The following EYS variants were observed in gnomAD, a reference collection of about 807,000 sequenced individuals.
EYS encodes the protein protein eyes shut homolog.
EYS carries 250 observed loss-of-function variants against 282.1 expected under a neutral mutation model. That is an observed-to-expected ratio of 0.89 (90% confidence interval 0.80 to 0.98). The LOEUF (loss-of-function observed/expected upper bound fraction) is 0.98. Ranked by LOEUF, EYS falls within the 50% of genes least tolerant of loss-of-function variation. The pLI is 0.00. For missense variants in EYS, 4,016 were observed against 3,709.0 expected (o/e 1.08, Z -2.15); for synonymous variants, 1,355 against 1,282.9 (o/e 1.06, Z -1.20).
chr6:63,835,664 A>T (rs1771786103), intron 36 of EYS, among the ~76,000 whole-genome samples: 1 of 152,042 alleles, frequency 6.6e-6, no homozygotes, highest in Non-Finnish European at 1.5e-5. Flanking sequence ...TCAAAATCTC[A>T]CAAATAACCA....
intron 14 of EYS, among the ~76,000 whole-genome samples, chr6:64,984,847 G>A (rs998333648): frequency 3.3e-5 from 5 of 151,354 alleles, no homozygotes; most frequent in Non-Finnish European, 7.4e-5. Flanking sequence ...TCTTGTAACA[G>A]AAATAAAAGT....
intron 36 of EYS, among the ~76,000 whole-genome samples, chr6:63,835,348 T>TACAC (rs545681031): frequency 6.0e-5 from 9 of 150,256 alleles, no homozygotes; most frequent in East Asian, 5.8e-4. Context: ...TATATATATA[T>TACAC]ACACACACAC....
At chr6:65,311,408 T>C (rs1769155092) in intron 11 of EYS, among the ~76,000 whole-genome samples, 2 of 152,188 alleles carry the variant, frequency 1.3e-5, no homozygotes, top group South Asian at 2.1e-4. Flanking sequence ...CGTTGCACTT[T>C]AAGCAATTAC....
chr6:64,780,898 TG>T (rs1773838001), intron 22 of EYS, among the ~76,000 whole-genome samples: 1 of 152,248 alleles, frequency 6.6e-6, no homozygotes, highest in Admixed American at 6.5e-5. Flanking sequence ...AAGGAATGAA[TG>T]TGTATATATG....
chr6:65,611,396 C>CT (rs1765994451), intron 2 of EYS, among the ~76,000 whole-genome samples: 1 of 151,924 alleles, frequency 6.6e-6, no homozygotes, highest in East Asian at 1.9e-4. Flanking sequence ...AGTATACCTT[C>CT]AGTATGAATA....
intron 2 of EYS, among the ~76,000 whole-genome samples, chr6:65,530,605 G>T (rs939156358): frequency 6.6e-6 from 1 of 151,888 alleles, no homozygotes; most frequent in Non-Finnish European, 1.5e-5. Context: ...AATTAAACTG[G>T]ATTCATACTC....
At chr6:65,160,094 T>C (rs1764818105) in intron 12 of EYS, among the ~76,000 whole-genome samples, 1 of 150,990 alleles carries the variant, frequency 6.6e-6, no homozygotes, top group African/African-American at 2.4e-5. Context: ...TATATGTTTT[T>C]AAAAATCAGT....
chr6:65,309,655 C>T (rs1769102970), intron 11 of EYS, among the ~76,000 whole-genome samples: 1 of 152,124 alleles, frequency 6.6e-6, no homozygotes, highest in South Asian at 2.1e-4. Flanking sequence ...AATCTTCGCT[C>T]TGGTACTTAA....
At position 65,478,540 on chromosome 6, in the gene EYS, T is replaced by C. The variant is rs370333068; in HGVS notation, c.862+12054A>G. 4.6e-5 allele frequency among the ~76,000 whole-genome samples: 7 copies of C among 152,260 alleles called. No homozygotes were observed. The South Asian group carries it at 1.2e-3, about 27-fold the overall frequency. On this transcript the variant is annotated intron_variant, in intron 5 of 42. Coordinates refer to ENST00000503581, the MANE Select transcript of EYS (RefSeq NM_001142800.2). The stretch of plus-strand genomic sequence containing the variant: ...GATGCTACTCAATTCTCTTTCCCCT[T>C]AAATTCACCCTCTTGACAGTGCTCC...
chr6:64,732,872 GTA>G (rs1772020592), intron 22 of EYS, among the ~76,000 whole-genome samples: 1 of 152,204 alleles, frequency 6.6e-6, no homozygotes, highest in African/African-American at 2.4e-5. Flanking sequence ...AAATTCTGAT[GTA>G]TAACGTGAAA....
chr6:64,873,593 AGGAATAT>A (rs1204588599), intron 19 of EYS, among the ~76,000 whole-genome samples: 2 of 152,046 alleles, frequency 1.3e-5, no homozygotes, highest in African/African-American at 4.8e-5. Context: ...ATTAGAATAG[AGGAATAT>A]GTTGTAGTGA....
At chr6:65,033,054 A>T (rs1323511040) in intron 13 of EYS, among the ~76,000 whole-genome samples, 2 of 152,172 alleles carry the variant, frequency 1.3e-5, no homozygotes, top group Non-Finnish European at 2.9e-5. Context: ...TTCATGCCCT[A>T]GGGATCTGTG....
rs1222969006 is a variant in EYS at position 63,721,608 on chromosome 6, G to A, written c.8423C>T (p.Ala2808Val). The change falls in exon 43 of 43, where the codon GCC becomes GTC. Residue 2808 changes from alanine to valine, a missense_variant. Ala to Val is a moderately conservative substitution (Grantham distance 64). Transcript: ENST00000503581. ...GTCCAGAGAACTCATTTTAGTGGAGGCCTTTTCTGTTACATTTATCCCATC... is the reference window on the plus strand; with the variant it reads ...GTCCAGAGAACTCATTTTAGTGGAGACCTTTTCTGTTACATTTATCCCATC... ...DLDGINVTEK[A>V]STKMSSLDTN... The A allele has an allele frequency of 3.2e-6, 5 of 1,551,078 alleles. No homozygotes were observed. The East Asian group carries it at 9.8e-5, about 30-fold the overall frequency.
intron 12 of EYS, among the ~76,000 whole-genome samples, chr6:65,132,869 G>C (rs1775918991): frequency 6.6e-6 from 1 of 151,786 alleles, no homozygotes; most frequent in Non-Finnish European, 1.5e-5. Flanking sequence ...TGAAGATTTA[G>C]GATAAAAAAA....
chr6:65,181,640 A>G (rs1050639172), intron 12 of EYS, among the ~76,000 whole-genome samples: 41 of 152,220 alleles, frequency 2.7e-4, no homozygotes, highest in African/African-American at 7.7e-4. Context: ...CGTTGTGGAA[A>G]TCAGTGTGGC....
At chr6:64,964,930 G>A (rs544075667) in intron 14 of EYS, among the ~76,000 whole-genome samples, 1 of 152,124 alleles carries the variant, frequency 6.6e-6, no homozygotes, top group South Asian at 2.1e-4. Flanking sequence ...CCACTCAGGA[G>A]GCTAAGGCAC....
chr6:65,596,741 T>G (rs1467176675), intron 2 of EYS, among the ~76,000 whole-genome samples: 1 of 152,096 alleles, frequency 6.6e-6, no homozygotes, highest in Non-Finnish European at 1.5e-5. Flanking sequence ...CATCATTTTC[T>G]TACTTTTTAT....
At chr6:64,744,484 A>C (rs1772486761) in intron 22 of EYS, among the ~76,000 whole-genome samples, 2 of 152,172 alleles carry the variant, frequency 1.3e-5, no homozygotes, top group South Asian at 4.1e-4. Flanking sequence ...GTTCCTAGCC[A>C]ATATAGTAAC....
At chr6:64,527,198 C>T (rs527758332) in intron 26 of EYS, among the ~76,000 whole-genome samples, 161 of 151,818 alleles carry the variant, frequency 1.1e-3, no homozygotes, top group African/African-American at 3.7e-3. Flanking sequence ...AATGTTTTCA[C>T]ATTTGAAACA....
Sources: allele counts gnomAD v4.1 joint callset (sites outside exome capture counted in the v4.1 genomes callset), GRCh38; gene constraint gnomAD v4.1.1; transcripts MANE v1.5; gene names NCBI Gene and HGNC (gene_info 2026-07-23, HGNC 2026-07-21).